RPS6KB1: variants seen among roughly 807,000 people sequenced by gnomAD.
RPS6KB1 encodes ribosomal protein S6 kinase B1.
A neutral mutation model predicts 70.2 loss-of-function variants in RPS6KB1; 12 were observed. The observed-to-expected ratio is 0.17, with a 90% CI of 0.11 to 0.28. The LOEUF is 0.28. Among genes scored for constraint, RPS6KB1 ranks in the 10% least tolerant of loss-of-function variants. RPS6KB1 has a pLI of 1.00. For missense variants in RPS6KB1, 270 were observed against 646.6 expected, an observed-to-expected ratio of 0.42 and a Z score of 6.32; for synonymous variants, 175 against 211.2, an observed-to-expected ratio of 0.83 and a Z score of 1.49.
chr17:59,924,880 G>A (rs1447726856), intron 4 of RPS6KB1, among the ~76,000 whole-genome samples: 1 of 151,450 alleles, frequency 6.6e-6, no homozygotes, highest in Non-Finnish European at 1.5e-5. Context: ...CCAGGCTGGA[G>A]TGCAGTGGCG....
intron 1 of RPS6KB1, among the ~76,000 whole-genome samples, chr17:59,894,520 G>A (rs1189074847): frequency 3.3e-5 from 5 of 152,166 alleles, no homozygotes; most frequent in African/African-American, 4.8e-5. Flanking sequence ...CCCTACTGTT[G>A]ACAAAAGATT....
intron 12 of RPS6KB1, among the ~76,000 whole-genome samples, chr17:59,938,184 T>TGG (rs35225494): frequency 2.7e-3 from 298 of 109,022 alleles, no homozygotes; most frequent in East Asian, 5.4e-3. Context: ...TTTTTTTTTT[T>TGG]GGGGGGGGGA....
chr17:59,910,690 T>C, intron 2 of RPS6KB1, 79 bp downstream of exon 2: 6 of 875,550 alleles, frequency 6.9e-6, no homozygotes, highest in Non-Finnish European at 1.1e-5. Flanking sequence ...GTAGCAATCA[T>C]GTGATTCCTG....
rs2042573202 is a variant in RPS6KB1 at position 59,910,563 on chromosome 17, G to C, written c.143G>C (p.Gly48Ala). The C allele has an allele frequency of 1.3e-6, 2 of 1,576,620 alleles. No homozygotes were observed. Among genetic ancestry groups the C allele is most frequent in the Non-Finnish European group, 1.7e-6 (2 of 1,153,898 alleles). Residue 48 changes from glycine to alanine, a missense_variant and splice_region_variant, in exon 2 of 15, where the codon GGT becomes GCT. Physicochemically the swap from Gly to Ala is moderately conservative, Grantham distance 60. Coordinates refer to ENST00000225577, the MANE Select transcript of RPS6KB1 (RefSeq NM_003161.4). ...TGAAACTTTTAACATATTTTTCAGG[G>C]TCAGTTAAATGAAAGCATGGACCAT... ...AGSEDELEEG[G>A]QLNESMDHGG...
intron 1 of RPS6KB1, among the ~76,000 whole-genome samples, chr17:59,896,787 G>A (rs919142216): frequency 6.6e-6 from 1 of 152,108 alleles, no homozygotes; most frequent in Non-Finnish European, 1.5e-5. Flanking sequence ...ACACTTTTTG[G>A]AGTTGAAAAT....
intron 1 of RPS6KB1, among the ~76,000 whole-genome samples, chr17:59,902,031 A>G (rs1002530265): frequency 6.7e-6 from 1 of 148,378 alleles, no homozygotes; most frequent in Non-Finnish European, 1.5e-5. Flanking sequence ...AAAAAAAAAA[A>G]GCTTTTTCTG....
At chr17:59,915,462 G>C (rs1048293390) in intron 4 of RPS6KB1, among the ~76,000 whole-genome samples, 1 of 151,676 alleles carries the variant, frequency 6.6e-6, no homozygotes, top group Non-Finnish European at 1.5e-5. Context: ...TAATAAGCAT[G>C]TACTGCCATC....
rs1003032489 is a variant in RPS6KB1, at chr17:59,947,245, A to G, written c.*457A>G. 3 of 1,029,950 alleles carry G rather than the reference A, an allele frequency of 2.9e-6. No individual in the cohort carries two copies. Among genetic ancestry groups the G allele is most frequent in the African/African-American group, 3.4e-5 (2 of 58,768 alleles). The allele number at this position is 1,029,950 out of a possible 1,614,324, so 63.8% of individuals were successfully genotyped here. On this transcript the variant is annotated 3_prime_UTR_variant, in exon 15 of 15. Transcript: ENST00000225577. ...AACTTTTTCCAGCAAAATGGAAGCA[A>G]AGACAAAAGAAACTTACCAATTGAT...
intron 1 of RPS6KB1, among the ~76,000 whole-genome samples, chr17:59,898,202 CTG>C (rs1353936746): frequency 2.6e-5 from 4 of 151,994 alleles, no homozygotes; most frequent in Non-Finnish European, 5.9e-5. Flanking sequence ...TAGTAGAAAA[CTG>C]TAATGCAATT....
intron 1 of RPS6KB1, among the ~76,000 whole-genome samples, chr17:59,905,538 C>T (rs2144728711): frequency 6.7e-6 from 1 of 149,518 alleles, no homozygotes; most frequent in Middle Eastern, 3.4e-3. Context: ...GAGTTTTGCT[C>T]TTGTTGCCCA....
chr17:59,914,256 A>G (rs574984970), intron 3 of RPS6KB1, among the ~76,000 whole-genome samples: 5 of 151,958 alleles, frequency 3.3e-5, no homozygotes, highest in East Asian at 1.9e-4. Context: ...ACTGCCAACT[A>G]TTTTTAAATA....
intron 4 of RPS6KB1, among the ~76,000 whole-genome samples, chr17:59,919,173 A>T (rs1024800963): frequency 6.6e-6 from 1 of 152,130 alleles, no homozygotes; most frequent in Non-Finnish European, 1.5e-5. Context: ...TGTGTGTGTA[A>T]GCTTCTCTGC....
At chr17:59,897,457 G>A (rs1187670401) in intron 1 of RPS6KB1, among the ~76,000 whole-genome samples, 2 of 152,100 alleles carry the variant, frequency 1.3e-5, no homozygotes, top group Admixed American at 1.3e-4. Flanking sequence ...TAAACTCGAG[G>A]TGCTGTATTT....
At chr17:59,908,613 ATTTTT>A (rs546677930) in intron 1 of RPS6KB1, among the ~76,000 whole-genome samples, 76 of 106,184 alleles carry the variant, frequency 7.2e-4, no homozygotes, top group African/African-American at 2.4e-3. Flanking sequence ...TGTAAAAAAA[ATTTTT>A]TTTTTTTTTT....
chr17:59,943,890 T>TATA (rs1555654697), intron 13 of RPS6KB1, among the ~76,000 whole-genome samples: 1 of 132,430 alleles, frequency 7.6e-6, no homozygotes, highest in Non-Finnish European at 1.6e-5. Context: ...AAAAAAAAAA[T>TATA]TATATATATA....
At chr17:59,907,373 G>A (rs995195922) in intron 1 of RPS6KB1, 3 of 152,126 alleles carry the variant, frequency 2.0e-5, no homozygotes, top group Non-Finnish European at 1.5e-5. Context: ...CTGGGGTTTT[G>A]ATAGGATTCA....
At position 59,934,413 on chromosome 17, in the gene RPS6KB1, A is replaced by G. The variant is rs761710754; in HGVS notation, c.780-21A>G. On this transcript the variant is annotated intron_variant, in intron 8 of 14. Transcript: ENST00000225577. This position sits in a 1 kb window ranked among gnomAD's most constrained non-coding sequence, Gnocchi z 4.8. ...TATGCAAATGGGTGAATTTTTAAGCATATTATTTTCCTCATTGTAGGGCCC... is the reference window on the plus strand; with the variant it reads ...TATGCAAATGGGTGAATTTTTAAGCGTATTATTTTCCTCATTGTAGGGCCC... The G allele has an allele frequency of 1.9e-6, 3 of 1,602,762 alleles. No individual in the cohort carries two copies. Among genetic ancestry groups the G allele is most frequent in the South Asian group, 1.1e-5 (1 of 90,812 alleles).
At chr17:59,945,566 C>G (rs777942466) in intron 14 of RPS6KB1, 48 bp downstream of exon 14, 1 of 997,486 alleles carries the variant, frequency 1.0e-6, no homozygotes, top group Non-Finnish European at 1.6e-6. Flanking sequence ...AAACAACCTA[C>G]AAGAGTGTTT....
At chr17:59,921,134 G>A (rs976271925) in intron 4 of RPS6KB1, among the ~76,000 whole-genome samples, 2 of 152,140 alleles carry the variant, frequency 1.3e-5, no homozygotes, top group Non-Finnish European at 2.9e-5. Context: ...AAAAAAGAGT[G>A]CTTGTTTTTT....
Sources: gnomAD v4.1 joint callset for allele counts (sites outside exome capture counted in the v4.1 genomes callset) on GRCh38, gnomAD v4.1.1 for gene constraint, Gnocchi (gnomAD v3.1) non-coding constraint, MANE v1.5 for transcripts, NCBI Gene and HGNC (gene_info 2026-07-23, HGNC 2026-07-21) for gene names.